RTL4: variants seen among roughly 807,000 people sequenced by gnomAD.
RTL4 encodes the protein retrotransposon Gag-like protein 4.
A neutral mutation model predicts 5.3 loss-of-function variants in RTL4; 4 were observed. The observed-to-expected ratio is 0.75, with a 90% confidence interval of 0.37 to 1.72. The LOEUF is 1.72. RTL4 is among the 40% of genes most tolerant of loss of function. The pLI is 0.04. For missense variants in RTL4, 260 were observed against 227.1 expected, an observed-to-expected ratio of 1.14 and a Z score of -0.93; for synonymous variants, 98 against 87.3, an observed-to-expected ratio of 1.12 and a Z score of -0.68.
chrX:112,234,761 G>T, the RTL4 span, among the ~76,000 whole-genome samples: 1 of 111,857 alleles, frequency 8.9e-6, no homozygotes, highest in African/African-American at 3.3e-5. Flanking sequence ...CAAGCAGGTG[G>T]GATCAGCATC....
the RTL4 span, among the ~76,000 whole-genome samples, chrX:112,138,509 A>C: frequency 4.5e-5 from 5 of 111,614 alleles, no homozygotes; most frequent in Non-Finnish European, 7.5e-5. Flanking sequence ...GAGTGTACTT[A>C]TCTAGGAACT....
At chrX:112,344,235 C>T in the RTL4 span, among the ~76,000 whole-genome samples, 1 of 112,051 alleles carries the variant, frequency 8.9e-6, no homozygotes, top group Admixed American at 9.5e-5. Flanking sequence ...CTCAAGCCCA[C>T]CTCCCCTCAC....
chrX:112,186,631 T>C, the RTL4 span, among the ~76,000 whole-genome samples: 3 of 111,880 alleles, frequency 2.7e-5, no homozygotes, highest in Non-Finnish European at 3.8e-5. Context: ...TAGACAGATG[T>C]ATAAGATCTA....
the RTL4 span, among the ~76,000 whole-genome samples, chrX:112,215,982 A>G: frequency 1.2e-4 from 13 of 112,109 alleles, no homozygotes; most frequent in South Asian, 4.9e-3. Context: ...TTAGTTGCCA[A>G]CATATAAAAA....
At chrX:112,439,050 C>T in the RTL4 span, among the ~76,000 whole-genome samples, 1 of 111,956 alleles carries the variant, frequency 8.9e-6, no homozygotes, top group South Asian at 3.8e-4. Context: ...AGTAAACATA[C>T]TAGCTTTCTC....
chrX:112,143,433 C>T, the RTL4 span, among the ~76,000 whole-genome samples: 2 of 111,317 alleles, frequency 1.8e-5, no homozygotes, highest in African/African-American at 6.6e-5. Context: ...ACTATTGTTA[C>T]TCTGTATTCC....
chrX:112,134,338 A>T, the RTL4 span, among the ~76,000 whole-genome samples: 4 of 112,310 alleles, frequency 3.6e-5, no homozygotes, highest in Non-Finnish European at 5.6e-5. Flanking sequence ...CAAATATTAG[A>T]TTCTGTGGGA....
At chrX:112,188,596 T>G in the RTL4 span, among the ~76,000 whole-genome samples, 1 of 111,741 alleles carries the variant, frequency 8.9e-6, no homozygotes, top group East Asian at 2.8e-4. Context: ...TGACTGCATT[T>G]TACTGATCCT....
At chrX:112,346,018 T>C in the RTL4 span, among the ~76,000 whole-genome samples, 11 of 111,972 alleles carry the variant, frequency 9.8e-5, no homozygotes, top group South Asian at 4.1e-3. Context: ...AATACATATG[T>C]GTGTCTCTCT....
chrX:112,097,820 G>A, the RTL4 span, among the ~76,000 whole-genome samples: 1 of 111,384 alleles, frequency 9.0e-6, no homozygotes, highest in Non-Finnish European at 1.9e-5. Context: ...AGGTGGAAAG[G>A]TAGAATTTTA....
chrX:112,315,416 C>G, the RTL4 span, among the ~76,000 whole-genome samples: 1 of 111,388 alleles, frequency 9.0e-6, no homozygotes, highest in Non-Finnish European at 1.9e-5. Flanking sequence ...CACCTCTACT[C>G]TCGACAATAC....
the RTL4 span, among the ~76,000 whole-genome samples, chrX:112,099,285 G>A: frequency 3.6e-5 from 4 of 111,976 alleles, no homozygotes; most frequent in Non-Finnish European, 5.7e-5. Context: ...TAGATGCTAC[G>A]AAAGATAGTC....
the RTL4 span, among the ~76,000 whole-genome samples, chrX:112,325,072 C>T: frequency 9.0e-6 from 1 of 111,182 alleles, no homozygotes; most frequent in South Asian, 3.8e-4. Flanking sequence ...GAATAAAATA[C>T]CTAGGAATCC....
chrX:112,184,443 C>G, the RTL4 span, among the ~76,000 whole-genome samples: 1 of 112,319 alleles, frequency 8.9e-6, no homozygotes, highest in Non-Finnish European at 1.9e-5. Flanking sequence ...TTTTATTTAT[C>G]TTAACTCTCA....
chrX:112,086,855 A>C, the RTL4 span, among the ~76,000 whole-genome samples: 1 of 112,049 alleles, frequency 8.9e-6, no homozygotes, highest in Admixed American at 9.5e-5. Flanking sequence ...GTAATTGAAA[A>C]ATATGTTTCA....
At chrX:112,405,944 G>A in the RTL4 span, among the ~76,000 whole-genome samples, 2 of 110,607 alleles carry the variant, frequency 1.8e-5, no homozygotes, top group African/African-American at 6.6e-5. Flanking sequence ...GCAACTGTGA[G>A]GCATTGAACT....
chrX:112,346,067 G>GA, the RTL4 span, among the ~76,000 whole-genome samples: 2 of 111,708 alleles, frequency 1.8e-5, no homozygotes, highest in East Asian at 2.8e-4. Flanking sequence ...TACTTGCATA[G>GA]AAAAAACGAC....
chrX:112,296,702 C>T, the RTL4 span, among the ~76,000 whole-genome samples: 11 of 107,327 alleles, frequency 1.0e-4, no homozygotes, highest in Admixed American at 6.0e-4. Context: ...CTCCGCCTCC[C>T]GAGTTCACGC....
the RTL4 span, among the ~76,000 whole-genome samples, chrX:112,189,587 A>G: frequency 1.4e-3 from 153 of 110,268 alleles, no homozygotes; most frequent in African/African-American, 4.8e-3. Flanking sequence ...ACATGGTGAA[A>G]CCCCATCTCT....
Sources: gnomAD v4.1 joint callset for allele counts (sites outside exome capture counted in the v4.1 genomes callset) on GRCh38, gnomAD v4.1.1 for gene constraint, MANE v1.5 for transcripts, NCBI Gene and HGNC (gene_info 2026-07-23, HGNC 2026-07-21) for gene names.